Variants in COL24A1 observed in about 807,000 individuals in gnomAD.
The protein encoded by COL24A1 is collagen type XXIV alpha 1 chain.
A neutral mutation model predicts 253.9 loss-of-function variants in COL24A1; 224 were observed. The ratio of observed to expected loss-of-function variants is 0.88; its 90% CI spans 0.79 to 0.99. The LOEUF (loss-of-function observed/expected upper bound fraction) is 0.99, where lower values mean the gene tolerates loss of function less well. Ranked by LOEUF, COL24A1 falls within the 50% of genes least tolerant of loss-of-function variation. COL24A1 has a pLI of 0.00. For missense variants in COL24A1, 2,131 were observed against 2,068.5 expected (o/e 1.03, Z -0.59); for synonymous variants, 685 against 673.7 (o/e 1.02, Z -0.26).
At chr1:85,777,607 A>G (rs1377529592) in intron 52 of COL24A1, among the ~76,000 whole-genome samples, 1 of 152,182 alleles carries the variant, frequency 6.6e-6, no homozygotes, top group Non-Finnish European at 1.5e-5. Context: ...TTCCAATAAA[A>G]GTAGTATTAC....
At chr1:85,767,667 T>G (rs1667521748) in intron 53 of COL24A1, among the ~76,000 whole-genome samples, 1 of 152,096 alleles carries the variant, frequency 6.6e-6, no homozygotes, top group African/African-American at 2.4e-5. Flanking sequence ...AACAGCATAT[T>G]TAGTTGCCTA....
At chr1:85,893,614 T>C (rs1371277138) in intron 31 of COL24A1, among the ~76,000 whole-genome samples, 4 of 152,110 alleles carry the variant, frequency 2.6e-5, no homozygotes, top group African/African-American at 7.2e-5. Context: ...GAGTCAGATG[T>C]ATGGGAGGCA....
At chr1:86,143,539 G>T (rs1297638684) in intron 2 of COL24A1, among the ~76,000 whole-genome samples, 1 of 151,946 alleles carries the variant, frequency 6.6e-6, no homozygotes, top group Non-Finnish European at 1.5e-5. Flanking sequence ...CCAAAAATTG[G>T]ATAAAACTAT....
At chr1:86,080,056 T>G (rs1702520071) in intron 7 of COL24A1, among the ~76,000 whole-genome samples, 1 of 152,156 alleles carries the variant, frequency 6.6e-6, no homozygotes, top group Non-Finnish European at 1.5e-5. Flanking sequence ...AAAGAAAATG[T>G]GGTACATATA....
At chr1:85,901,979 C>T (rs1684360553) in intron 28 of COL24A1, among the ~76,000 whole-genome samples, 1 of 152,006 alleles carries the variant, frequency 6.6e-6, no homozygotes, top group East Asian at 1.9e-4. Context: ...ATGGAATCAA[C>T]TAAGTGTCCT....
intron 2 of COL24A1, among the ~76,000 whole-genome samples, chr1:86,139,181 G>GT (rs999437975): frequency 3.8e-4 from 57 of 151,000 alleles, no homozygotes; most frequent in Middle Eastern, 3.4e-3. Flanking sequence ...AAGGAGAAAG[G>GT]GGGGGGAGAG....
At chr1:85,965,522 G>A (rs1039293948) in intron 22 of COL24A1, among the ~76,000 whole-genome samples, 32 of 151,928 alleles carry the variant, frequency 2.1e-4, no homozygotes, top group Admixed American at 4.6e-4. Context: ...GTAGTTTTCC[G>A]AGAGTCTGAA....
intron 11 of COL24A1, 106 bp downstream of exon 11, chr1:86,050,018 G>A (rs772131415): frequency 3.4e-6 from 3 of 892,822 alleles, no homozygotes; most frequent in South Asian, 2.4e-5. Flanking sequence ...AACCTGGCTT[G>A]CTAACTCAGT....
rs1699825097 is a variant in COL24A1, at chr1:86,045,443, A to G, written c.1950+1382T>C. ...TTTGAAGATACAGAATGGAGTAAAT[A>G]AGACTAAAGAAAACAAACCACCTAT... On this transcript the variant is annotated intron_variant, in intron 12 of 59. Coordinates refer to ENST00000370571, the MANE Select transcript of COL24A1 (RefSeq NM_152890.7). Among the ~76,000 whole-genome samples the G allele has an allele frequency of 2.6e-5, 4 of 152,308 alleles. No individual in the cohort carries two copies. The South Asian group carries it at 8.3e-4, about 32-fold the overall frequency.
chr1:86,084,424 C>G (rs1350710163), intron 7 of COL24A1, among the ~76,000 whole-genome samples: 2 of 152,178 alleles, frequency 1.3e-5, no homozygotes, highest in African/African-American at 4.8e-5. Flanking sequence ...ACATACTTCC[C>G]TCAGGCATAC....
chr1:85,961,171 G>T, intron 24 of COL24A1, 78 bp downstream of exon 24: 3 of 1,060,890 alleles, frequency 2.8e-6, no homozygotes, highest in Non-Finnish European at 4.4e-6. Context: ...CTTGACTATA[G>T]CAAACGTAAT....
chr1:85,951,516 T>C (rs866741157), intron 24 of COL24A1, among the ~76,000 whole-genome samples: 1 of 152,208 alleles, frequency 6.6e-6, no homozygotes. Context: ...GAATATTGAG[T>C]GGCCAGATCA....
intron 19 of COL24A1, among the ~76,000 whole-genome samples, chr1:85,999,774 TGTGAC>T (rs1187396632): frequency 3.3e-5 from 5 of 152,182 alleles, no homozygotes; most frequent in African/African-American, 1.2e-4. Context: ...GATGAACATT[TGTGAC>T]CAGTATGAGC....
At position 85,831,948 on chromosome 1, in the gene COL24A1, A is replaced by T. The variant is rs550737391; in HGVS notation, c.3681+6637T>A. Among the ~76,000 whole-genome samples the T allele has an allele frequency of 3.3e-5, 5 of 152,098 alleles. No individual in the cohort carries two copies. The East Asian group carries it at 9.7e-4, about 29-fold the overall frequency. ...TAGTTTAATTAGATCCCATTTGTCA[A>T]TTTTTGCTTTTGTTGACATTGCTTT... On this transcript the variant is annotated intron_variant, in intron 43 of 59. Transcript: ENST00000370571.
chr1:85,779,150 G>T (rs111589511), intron 52 of COL24A1, among the ~76,000 whole-genome samples: 1 of 151,798 alleles, frequency 6.6e-6, no homozygotes, highest in Non-Finnish European at 1.5e-5. Flanking sequence ...GGGCTTATAG[G>T]CATGTACCAC....
chr1:85,803,628 C>T (rs1671668948), intron 47 of COL24A1, among the ~76,000 whole-genome samples: 1 of 151,298 alleles, frequency 6.6e-6, no homozygotes, highest in East Asian at 1.9e-4. Context: ...ATTTCACATT[C>T]TGATACTACT....
chr1:85,933,982 G>A (rs1002848476), intron 24 of COL24A1, among the ~76,000 whole-genome samples: 1 of 152,114 alleles, frequency 6.6e-6, no homozygotes, highest in Non-Finnish European at 1.5e-5. Context: ...AAATTCAAAG[G>A]TGGCTTAAAT....
intron 7 of COL24A1, among the ~76,000 whole-genome samples, chr1:86,065,294 G>GT (rs1396511180): frequency 6.6e-6 from 1 of 152,086 alleles, no homozygotes; most frequent in East Asian, 1.9e-4. Flanking sequence ...GCCAACACCT[G>GT]TTTTTCAGAT....
At chr1:86,070,740 T>C (rs116246854) in intron 7 of COL24A1, among the ~76,000 whole-genome samples, 1 of 151,806 alleles carries the variant, frequency 6.6e-6, no homozygotes, top group African/African-American at 2.4e-5. Context: ...CCAGCAAAAA[T>C]AGGCTTTAAG....
Sources: gnomAD v4.1 joint callset for allele counts (sites outside exome capture counted in the v4.1 genomes callset) on GRCh38, gnomAD v4.1.1 for gene constraint, MANE v1.5 for transcripts, NCBI Gene and HGNC (gene_info 2026-07-23, HGNC 2026-07-21) for gene names.